The following KCNN1 variants were observed in gnomAD, a reference collection of about 807,000 sequenced individuals.
KCNN1 encodes potassium calcium-activated channel subfamily N member 1, also known as small conductance calcium-activated potassium channel protein 1.
KCNN1 carries 20 observed loss-of-function variants against 44.7 expected under a neutral mutation model. The observed-to-expected ratio is 0.45, with a 90% CI of 0.32 to 0.65. KCNN1 has a LOEUF of 0.65. Ranked by LOEUF, KCNN1 falls within the 30% of genes least tolerant of loss-of-function variation. KCNN1 has a pLI of 0.05. For missense variants in KCNN1, 632 were observed against 785.3 expected, an observed-to-expected ratio of 0.80 and a Z score of 2.33; for synonymous variants, 324 against 341.7, an observed-to-expected ratio of 0.95 and a Z score of 0.57.
upstream of KCNN1, among the ~76,000 whole-genome samples, chr19:17,966,148 A>C (rs2031804746): frequency 6.6e-6 from 1 of 151,736 alleles, no homozygotes; most frequent in Non-Finnish European, 1.5e-5. Context: ...AGGAATAAAC[A>C]CTCAGATGTT....
chr19:17,968,156 T>C (rs953216122), intron 1 of KCNN1, among the ~76,000 whole-genome samples: 2 of 151,836 alleles, frequency 1.3e-5, no homozygotes, highest in Non-Finnish European at 2.9e-5. Flanking sequence ...ACACCCGGAC[T>C]CTGGCTGCGC....
At chr19:17,965,004 G>A (rs2031763678), upstream of KCNN1, among the ~76,000 whole-genome samples, 2 of 152,128 alleles carry the variant, frequency 1.3e-5, no homozygotes, top group African/African-American at 4.8e-5. Context: ...GGCCAGGCGC[G>A]GTGGCTCACG....
intron 3 of KCNN1, 65 bp from the exon 4 acceptor site, chr19:17,981,644 G>C (rs963457380): frequency 6.9e-7 from 1 of 1,443,074 alleles, no homozygotes; most frequent in Non-Finnish European, 9.3e-7. Flanking sequence ...GGGGCGCGGT[G>C]GGGCTGGGCA....
At chr19:17,992,272 A>G (rs1008410612) in intron 7 of KCNN1, among the ~76,000 whole-genome samples, 1 of 152,144 alleles carries the variant, frequency 6.6e-6, no homozygotes, top group Non-Finnish European at 1.5e-5. Flanking sequence ...GCAATGAGCC[A>G]AGATCACTTT....
chr19:17,984,834 C>T (rs538559591), intron 4 of KCNN1, among the ~76,000 whole-genome samples: 1 of 152,270 alleles, frequency 6.6e-6, no homozygotes, highest in South Asian at 2.1e-4. Context: ...ATGCTGTCCT[C>T]CAGTCTATGT....
chr19:17,989,974 C>T (rs1646198936), intron 7 of KCNN1, 131 bp downstream of exon 7: 2 of 1,307,312 alleles, frequency 1.5e-6, no homozygotes, highest in Non-Finnish European at 2.2e-6. Flanking sequence ...CCTGCATCTT[C>T]TGAGCTGGGT....
At chr19:17,979,592 G>A (rs1169455544) in intron 3 of KCNN1, among the ~76,000 whole-genome samples, 1 of 151,840 alleles carries the variant, frequency 6.6e-6, no homozygotes, top group Non-Finnish European at 1.5e-5. Context: ...GCTCCAATAT[G>A]ATTGGTCCCG....
rs1355797383 is a variant in KCNN1 at position 17,967,195 on chromosome 19, G to T, written c.-204G>T. ...CCCGGCCCCGCCGCCCCCGGGCCCC[G>T]CGCCCGCTCGCTGCTGCCCGCCCCG... On this transcript the variant is annotated 5_prime_UTR_variant, in exon 1 of 10. Coordinates refer to ENST00000684775, the MANE Select transcript of KCNN1 (RefSeq NM_001386974.1). 1.9e-6 allele frequency: 1 copy of T among 532,214 alleles called. No individual in the cohort carries two copies. Among genetic ancestry groups the T allele is most frequent in the Admixed American group, 6.9e-5 (1 of 14,586 alleles). The allele number at this position is 532,214 out of a possible 1,614,324, so 33.0% of individuals were successfully genotyped here.
At position 17,988,779 on chromosome 19, in the gene KCNN1, C is replaced by T. The variant is rs143278983; in HGVS notation, c.1170+254C>T. Among the ~76,000 whole-genome samples the T allele has an allele frequency of 2.5e-3, 383 of 152,044 alleles. 3 individuals are homozygous for T. Among genetic ancestry groups the T allele is most frequent in the African/African-American group, 8.8e-3 (363 of 41,460 alleles). ...TACAAAAATTAGCCTGGCATGGTGA[C>T]GGACGCCTGTAGTCCCATCCACTTG... On this transcript the variant is annotated intron_variant, in intron 6 of 9. Coordinates refer to ENST00000684775, the MANE Select transcript of KCNN1 (RefSeq NM_001386974.1).
At chr19:17,968,887 A>G (rs1599351559) in intron 1 of KCNN1, among the ~76,000 whole-genome samples, 1 of 152,148 alleles carries the variant, frequency 6.6e-6, no homozygotes, top group Non-Finnish European at 1.5e-5. Context: ...GAGATGGGAT[A>G]TTGCTAGTTG....
intron 1 of KCNN1, among the ~76,000 whole-genome samples, chr19:17,971,033 A>G (rs2032004583): frequency 6.6e-6 from 1 of 151,616 alleles, no homozygotes; most frequent in African/African-American, 2.4e-5. Context: ...ACAGGTGCCC[A>G]CCACCACACC....
intron 6 of KCNN1, 102 bp from the exon 7 acceptor site, chr19:17,989,614 A>T: frequency 1.9e-6 from 3 of 1,559,758 alleles, no homozygotes; most frequent in Non-Finnish European, 2.6e-6. Context: ...CCTGAGAGGC[A>T]TTTCCAGAAG....
chr19:17,978,716 G>T (rs1315186359), intron 3 of KCNN1, among the ~76,000 whole-genome samples: 1 of 150,164 alleles, frequency 6.7e-6, no homozygotes, highest in Non-Finnish European at 1.5e-5. Flanking sequence ...GCCTCCTAAA[G>T]TGTTGGGATT....
At chr19:17,984,018 A>C (rs1237612222) in intron 4 of KCNN1, among the ~76,000 whole-genome samples, 4 of 151,642 alleles carry the variant, frequency 2.6e-5, no homozygotes, top group South Asian at 2.1e-4. Flanking sequence ...AAAAAATTAG[A>C]TGGGCATGGT....
intron 7 of KCNN1, among the ~76,000 whole-genome samples, chr19:17,991,280 C>T (rs1457944340): frequency 6.6e-6 from 1 of 151,782 alleles, no homozygotes; most frequent in Non-Finnish European, 1.5e-5. Flanking sequence ...AGTGAGACCC[C>T]GTCTCTACAA....
chr19:17,980,638 C>G (rs79832511), intron 3 of KCNN1, among the ~76,000 whole-genome samples: 1 of 152,084 alleles, frequency 6.6e-6, no homozygotes, highest in South Asian at 2.1e-4. Context: ...TGCGGTTGCT[C>G]ACACCTGTGA....
At chr19:17,957,098 G>C (rs2031560180) in intron 2 of KCNN1, among the ~76,000 whole-genome samples, 1 of 148,606 alleles carries the variant, frequency 6.7e-6, no homozygotes, top group Admixed American at 6.8e-5. Flanking sequence ...AGAAAGGGAG[G>C]GAGGGAGGGA....
In KCNN1 at chr19:17,987,244, G is replaced by C. The variant is rs2032631102; in HGVS notation, c.1060-1171G>C. On this transcript the variant is annotated intron_variant, in intron 5 of 9. Coordinates refer to ENST00000684775, the MANE Select transcript of KCNN1 (RefSeq NM_001386974.1). ...CCTGCTTCAGCCTCCTGAGTAGCTG[G>C]GATGGCAGGCACCTGCCACCAGGCC... Among the ~76,000 whole-genome samples the C allele has an allele frequency of 2.6e-5, 4 of 152,016 alleles. No individual in the cohort carries two copies. In the South Asian group the frequency reaches 8.3e-4, roughly 32 times the overall value.
At chr19:17,964,323 C>T (rs2031748229), upstream of KCNN1, among the ~76,000 whole-genome samples, 1 of 152,080 alleles carries the variant, frequency 6.6e-6, no homozygotes, top group African/African-American at 2.4e-5. The surrounding 1 kb of genome is among the most constrained non-coding windows in gnomAD (Gnocchi z 4.3). Flanking sequence ...GGCCAGGCCA[C>T]TCCCTGCTCC....
Sources: gnomAD v4.1 joint callset for allele counts (sites outside exome capture counted in the v4.1 genomes callset) on GRCh38, gnomAD v4.1.1 for gene constraint, Gnocchi (gnomAD v3.1) non-coding constraint, MANE v1.5 for transcripts, NCBI Gene and HGNC (gene_info 2026-07-23, HGNC 2026-07-21) for gene names.